The following SRGAP3 variants were observed in gnomAD, a reference collection of about 807,000 sequenced individuals.
SRGAP3 encodes the protein SLIT-ROBO Rho GTPase-activating protein 3.
SRGAP3 carries 39 observed loss-of-function variants against 121.1 expected under a neutral mutation model. That is an observed-to-expected ratio of 0.32 (90% CI 0.25 to 0.42). SRGAP3 has a LOEUF of 0.42. Among genes scored for constraint, SRGAP3 ranks in the 10% least tolerant of loss-of-function variants. SRGAP3 has a pLI of 1.00. For missense variants in SRGAP3, 1,213 were observed against 1,470.6 expected, an observed-to-expected ratio of 0.82 and a Z score of 2.86; for synonymous variants, 601 against 570.0, an observed-to-expected ratio of 1.05 and a Z score of -0.77.
At chr3:9,333,041 C>T (rs892304371) in intron 1 of SRGAP3, among the ~76,000 whole-genome samples, 1 of 152,158 alleles carries the variant, frequency 6.6e-6, no homozygotes, top group South Asian at 2.1e-4. Context: ...AATACGCTAG[C>T]TTCTTGACAG....
intron 1 of SRGAP3, among the ~76,000 whole-genome samples, chr3:9,337,262 A>G (rs1383405006): frequency 2.6e-5 from 4 of 152,180 alleles, no homozygotes; most frequent in African/African-American, 9.7e-5. Flanking sequence ...TCTGAAAAAT[A>G]CCTTCACAAA....
intron 3 of SRGAP3, among the ~76,000 whole-genome samples, chr3:9,099,388 A>G (rs1188683474): frequency 6.6e-6 from 1 of 152,256 alleles, no homozygotes; most frequent in Non-Finnish European, 1.5e-5. Context: ...AGAGCATAGA[A>G]TAATGGATGG....
rs1225720679 is a variant in SRGAP3, at chr3:9,013,814, G to A, written c.1842C>T (p.His614=). 7.4e-6 allele frequency: 12 copies of A among 1,614,092 alleles called. No individual in the cohort carries two copies. Among genetic ancestry groups the A allele is most frequent in the Non-Finnish European group, 9.3e-6 (11 of 1,180,038 alleles). The change falls in exon 16 of 22, where the codon CAC becomes CAT. Residue 614 remains histidine, a synonymous_variant. Transcript: ENST00000383836. ...GGGTGACGAGGATTTGTTGGATCTG[G>A]TGCACCCTCTCGGCTGGGTTCTCCA... ...IKLENPAERV[H]QIQQILVTLP... is the part of the protein sequence containing the mutation.
chr3:9,276,740 T>C (rs1954588938), intron 3 of SRGAP3, among the ~76,000 whole-genome samples: 1 of 152,242 alleles, frequency 6.6e-6, no homozygotes, highest in African/African-American at 2.4e-5. Context: ...TTTACCATTA[T>C]TACCTCCCTG....
chr3:9,282,325 T>C (rs1350256519), intron 3 of SRGAP3, among the ~76,000 whole-genome samples: 1 of 152,224 alleles, frequency 6.6e-6, no homozygotes, highest in African/African-American at 2.4e-5. Flanking sequence ...ACATATTTTA[T>C]AAAATATAAG....
intron 1 of SRGAP3, among the ~76,000 whole-genome samples, chr3:9,207,322 CAAAG>C (rs1428371207): frequency 6.6e-6 from 1 of 152,102 alleles, no homozygotes; most frequent in Non-Finnish European, 1.5e-5. Context: ...ACAGTGGCAA[CAAAG>C]AAAGAGAGTG....
chr3:9,313,948 G>A (rs189911130), intron 3 of SRGAP3, among the ~76,000 whole-genome samples: 5 of 152,340 alleles, frequency 3.3e-5, no homozygotes, highest in South Asian at 4.1e-4. Flanking sequence ...AGCCGAGATC[G>A]TGCCACTGCA....
Position 9,226,563 on chromosome 3 carries a change from T to C in SRGAP3, c.67+22322A>G, listed in dbSNP as rs558404226. ...AAACGCAGCCCAGAATCAGATTAGG[T>C]TTTTTGGCAACTGCCTCACAGTGAC... On this transcript the variant is annotated intron_variant, in intron 1 of 21. Coordinates refer to ENST00000383836, the MANE Select transcript of SRGAP3 (RefSeq NM_014850.4). Among the ~76,000 whole-genome samples, 32 of 152,182 alleles carry C rather than the reference T, an allele frequency of 2.1e-4. No individual in the cohort carries two copies. In the South Asian group the frequency reaches 6.4e-3, roughly 31 times the overall value.
At chr3:9,069,448 G>A (rs1200528019) in intron 4 of SRGAP3, among the ~76,000 whole-genome samples, 6 of 152,186 alleles carry the variant, frequency 3.9e-5, no homozygotes, top group African/African-American at 7.2e-5. Context: ...GCCCCTCAGA[G>A]GTACCCATCC....
intron 1 of SRGAP3, among the ~76,000 whole-genome samples, chr3:9,346,799 A>G (rs1955899336): frequency 6.9e-6 from 1 of 145,466 alleles, no homozygotes; most frequent in Admixed American, 7.1e-5. Flanking sequence ...TTCTCCCCTG[A>G]GGCTGAAGTG....
intron 1 of SRGAP3, among the ~76,000 whole-genome samples, chr3:9,228,907 A>C (rs1435845125): frequency 6.6e-6 from 1 of 151,168 alleles, no homozygotes; most frequent in East Asian, 1.9e-4. Context: ...CTAAAAATAC[A>C]AAAAATTAGC....
At chr3:9,212,702 A>C (rs1394830303) in intron 1 of SRGAP3, among the ~76,000 whole-genome samples, 2 of 152,196 alleles carry the variant, frequency 1.3e-5, no homozygotes, top group African/African-American at 2.4e-5. Context: ...TGACAGAGAG[A>C]GACTCCGTCT....
intron 12 of SRGAP3, 100 bp downstream of exon 12, chr3:9,032,550 C>T: frequency 8.9e-7 from 1 of 1,117,470 alleles, no homozygotes; most frequent in Non-Finnish European, 1.3e-6. Flanking sequence ...TCCACAGGGC[C>T]TGGCCAAGGA....
intron 1 of SRGAP3, among the ~76,000 whole-genome samples, chr3:9,214,139 CACAT>C (rs1455626395): frequency 6.6e-6 from 1 of 151,924 alleles, no homozygotes; most frequent in African/African-American, 2.4e-5. Context: ...CACACACACA[CACAT>C]GCACACACAC....
chr3:9,244,721 A>G (rs992548868), intron 1 of SRGAP3, among the ~76,000 whole-genome samples: 16 of 152,224 alleles, frequency 1.1e-4, no homozygotes, highest in African/African-American at 3.6e-4. Flanking sequence ...TGCCAGTTCC[A>G]GACTAGATAA....
chr3:9,171,222 T>A (rs537475272), intron 1 of SRGAP3, among the ~76,000 whole-genome samples: 13 of 152,210 alleles, frequency 8.5e-5, no homozygotes, highest in African/African-American at 2.9e-4. Context: ...GACAACGTGT[T>A]ACTCCTTGGG....
chr3:8,993,715 G>A (rs1458432742), intron 19 of SRGAP3, among the ~76,000 whole-genome samples: 1 of 152,146 alleles, frequency 6.6e-6, no homozygotes. Flanking sequence ...AATGTGGGCT[G>A]TTGATCCCCT....
intron 3 of SRGAP3, among the ~76,000 whole-genome samples, chr3:9,302,088 T>C (rs1955068524): frequency 6.6e-6 from 1 of 152,208 alleles, no homozygotes; most frequent in South Asian, 2.1e-4. Flanking sequence ...CTCAGTGCCT[T>C]ATGTACGTTC....
At chr3:9,270,193 G>C (rs922841978) in intron 3 of SRGAP3, among the ~76,000 whole-genome samples, 17 of 152,076 alleles carry the variant, frequency 1.1e-4, no homozygotes, top group African/African-American at 3.9e-4. Flanking sequence ...TGTTTTGAAG[G>C]CTGCATAATA....
Sources: allele counts gnomAD v4.1 joint callset (sites outside exome capture counted in the v4.1 genomes callset), GRCh38; gene constraint gnomAD v4.1.1; transcripts MANE v1.5; gene names NCBI Gene and HGNC (gene_info 2026-07-23, HGNC 2026-07-21).